Variants in RSPH6A observed in about 807,000 individuals in gnomAD.
RSPH6A encodes radial spoke head 6 homolog A, also known as radial spoke head protein 6 homolog A.
RSPH6A carries 49 observed loss-of-function variants against 66.1 expected under a neutral mutation model. The observed-to-expected ratio is 0.74, with a 90% confidence interval of 0.59 to 0.94. The LOEUF is 0.94. Ranked by LOEUF, RSPH6A falls within the 40% of genes least tolerant of loss-of-function variation. RSPH6A has a pLI of 0.00. For missense variants in RSPH6A, 977 were observed against 948.3 expected, an observed-to-expected ratio of 1.03 and a Z score of -0.40; for synonymous variants, 419 against 402.4, an observed-to-expected ratio of 1.04 and a Z score of -0.49.
At chr19:45,814,231 G>A (rs933756961) in intron 1 of RSPH6A, among the ~76,000 whole-genome samples, 4 of 152,124 alleles carry the variant, frequency 2.6e-5, no homozygotes, top group African/African-American at 9.7e-5. Flanking sequence ...CCATATCCTA[G>A]CTGTGTAGTT....
intron 4 of RSPH6A, among the ~76,000 whole-genome samples, chr19:45,801,586 C>T (rs1358379008): frequency 6.6e-6 from 1 of 152,166 alleles, no homozygotes; most frequent in East Asian, 1.9e-4. Flanking sequence ...CATGGTGAAA[C>T]CCCATCTCCA....
Position 45,814,598 on chromosome 19 carries a change from C to T in RSPH6A, c.579G>A (p.Glu193=). The change falls in exon 1 of 6, where the codon GAG becomes GAA. Residue 193 remains glutamate (E), a synonymous_variant. Coordinates refer to ENST00000221538, the MANE Select transcript of RSPH6A (RefSeq NM_030785.4). ...PHYSAQVPEP[E]PLELAVQNAK... is the part of the protein sequence containing the mutation. ...CGTTCTGCACGGCCAGCTCCAGAGG[C>T]TCGGGCTCAGGCACCTGGGCACTGT... 4 of 1,567,762 alleles carry T rather than the reference C, an allele frequency of 2.6e-6. No homozygotes were observed. Among genetic ancestry groups the T allele is most frequent in the Non-Finnish European group, 3.5e-6 (4 of 1,159,050 alleles).
intron 2 of RSPH6A, 80 bp downstream of exon 2, chr19:45,810,523 G>A: frequency 7.5e-7 from 1 of 1,325,330 alleles, no homozygotes; most frequent in African/African-American, 1.4e-5. Context: ...TCGCCTCCAG[G>A]CCTTGGCACA....
At chr19:45,801,088 T>G (rs1970468825) in intron 4 of RSPH6A, among the ~76,000 whole-genome samples, 1 of 152,168 alleles carries the variant, frequency 6.6e-6, no homozygotes, top group African/African-American at 2.4e-5. Flanking sequence ...GTGAGCCACC[T>G]CGCCTGGCCT....
intron 2 of RSPH6A, 32 bp downstream of exon 2, chr19:45,810,569 CCT>C: frequency 6.3e-7 from 1 of 1,598,002 alleles, no homozygotes; most frequent in Non-Finnish European, 8.6e-7. Context: ...CCCCACTGAC[CCT>C]GATGCCCACC....
At position 45,804,841 on chromosome 19, in the gene RSPH6A, T is replaced by C; in HGVS notation, c.1064A>G (p.Tyr355Cys). 6.2e-7 allele frequency: 1 copy of C among 1,614,106 alleles called. No homozygotes were observed. The highest frequency in any genetic ancestry group is 8.5e-7 in the Non-Finnish European group (1 of 1,180,006). The stretch of plus-strand genomic sequence containing the variant: ...CCGGAATTCCACCTCGGCCACCAGG[T>C]AGCTGCGTTTGATTCCCAGGATCTT... ...WGKILGIKRSYLVAEVEFREG... is the reference protein window; with the variant it reads ...WGKILGIKRSCLVAEVEFREG... The change falls in exon 3 of 6, where the codon TAC (tyrosine) becomes TGC (cysteine). Residue 355 changes from tyrosine (Y) to cysteine (C), a missense_variant. Tyr to Cys is a radical substitution (Grantham distance 194). Transcript: ENST00000221538. This position sits in a 1 kb window ranked among gnomAD's most constrained non-coding sequence, Gnocchi z 5.8.
At chr19:45,805,167 C>T (rs1970528145) in intron 2 of RSPH6A, 151 bp from the exon 3 acceptor site, 1 of 643,372 alleles carries the variant, frequency 1.6e-6, no homozygotes, top group African/African-American at 1.8e-5. Flanking sequence ...AAGGCCGAGG[C>T]TGGCTGATCA....
At chr19:45,805,328 C>A (rs1342704648) in intron 2 of RSPH6A, among the ~76,000 whole-genome samples, 1 of 152,010 alleles carries the variant, frequency 6.6e-6, no homozygotes, top group Non-Finnish European at 1.5e-5. Flanking sequence ...ACCGGGGAGG[C>A]GGAGGTTGCA....
chr19:45,812,553 G>A (rs1407972478), intron 1 of RSPH6A, among the ~76,000 whole-genome samples: 1 of 152,134 alleles, frequency 6.6e-6, no homozygotes, highest in Non-Finnish European at 1.5e-5. Flanking sequence ...TTCTCAGGAA[G>A]AGAGCCTGAA....
In RSPH6A at chr19:45,802,184, C is replaced by A; in HGVS notation, c.1734G>T (p.Glu578Asp). The A allele has an allele frequency of 6.4e-7, 1 of 1,557,198 alleles. No individual in the cohort carries two copies. The highest frequency in any genetic ancestry group is 8.7e-7 in the Non-Finnish European group (1 of 1,147,626). ...CCTCCTGCTCCACCTCCTCTGGCCC[C>A]TCATCTGCCTTCTCTTCCTCCTCCC... is the stretch of plus-strand genomic sequence containing the variant. ...DLGEEEEKAD[E>D]GPEEVEQEVG... The change falls in exon 4 of 6, where the codon GAG becomes GAT. Residue 578 changes from glutamate to aspartate, a missense_variant. Transcript: ENST00000221538.
intron 2 of RSPH6A, among the ~76,000 whole-genome samples, chr19:45,808,298 C>G (rs1970572848): frequency 6.6e-6 from 1 of 152,030 alleles, no homozygotes; most frequent in South Asian, 2.1e-4. Context: ...CGTGGTGGCA[C>G]AGCCTGTAGT....
chr19:45,814,176 G>A (rs1188988724), intron 1 of RSPH6A, among the ~76,000 whole-genome samples: 1 of 152,016 alleles, frequency 6.6e-6, no homozygotes, highest in Non-Finnish European at 1.5e-5. Context: ...AAAAAAGCAA[G>A]AGGGCTTGGG....
chr19:45,802,268 G>T lies in RSPH6A; in HGVS notation c.1654-4C>A. On this transcript the variant is annotated splice_region_variant and splice_polypyrimidine_tract_variant and intron_variant, in intron 3 of 5. Transcript: ENST00000221538. ...GGTTCACCCAAGTGCAGCGGCCCTG[G>T]GGGTGGGGGGAAGCTCAGGTGATGG... 1 of 1,380,086 alleles carries T rather than the reference G, an allele frequency of 7.2e-7. No individual in the cohort carries two copies. The allele number at this position is 1,380,086 out of a possible 1,614,324, so 85.5% of individuals were successfully genotyped here.
intron 1 of RSPH6A, among the ~76,000 whole-genome samples, chr19:45,811,136 G>T (rs2146289351): frequency 6.6e-6 from 1 of 152,188 alleles, no homozygotes; most frequent in African/African-American, 2.4e-5. Context: ...TGGGATTATA[G>T]GCGCCCGCCA....
intron 5 of RSPH6A, among the ~76,000 whole-genome samples, chr19:45,798,527 G>C (rs1970432322): frequency 8.2e-6 from 1 of 121,934 alleles, no homozygotes; most frequent in South Asian, 2.9e-4. Flanking sequence ...GTGACAGAGA[G>C]AGACCCTATC....
At chr19:45,797,344 G>GCA (rs925532754) in intron 5 of RSPH6A, among the ~76,000 whole-genome samples, 45 of 148,426 alleles carry the variant, frequency 3.0e-4, no homozygotes, top group African/African-American at 1.0e-3. Context: ...TCGCGCCACT[G>GCA]CACTCCAGCC....
rs537390248 is a variant in RSPH6A at position 45,802,107 on chromosome 19, A to G, written c.1798+13T>C. 2.0e-6 allele frequency: 3 copies of G among 1,499,438 alleles called. No individual in the cohort carries two copies. The highest frequency in any genetic ancestry group is 2.6e-5 in the East Asian group (1 of 38,886). 92.9% of individuals were successfully genotyped at this position (1,499,438 alleles called of 1,614,324 possible). The stretch of plus-strand genomic sequence containing the variant: ...CCCAGCCAGTGGTGTACAGGCTGAG[A>G]GGGCTTCCTTACCTGCATCTTCTGA... On this transcript the variant is annotated intron_variant, in intron 4 of 5. Coordinates refer to ENST00000221538, the MANE Select transcript of RSPH6A (RefSeq NM_030785.4).
intron 2 of RSPH6A, among the ~76,000 whole-genome samples, chr19:45,807,753 T>C (rs12985355): frequency 0.39 from 59,819 of 152,106 alleles, 12,074 homozygotes; most frequent in African/African-American, 0.44. Flanking sequence ...TCAGGTGATC[T>C]GCCCGCTTTG....
At position 45,812,114 on chromosome 19, in the gene RSPH6A, C is replaced by G. The variant is rs950412643; in HGVS notation, c.651-1274G>C. 2.7e-5 allele frequency among the ~76,000 whole-genome samples: 4 copies of G among 150,040 alleles called. No individual in the cohort carries two copies. The Admixed American group carries it at 2.7e-4, about 10-fold the overall frequency. ...TATTTTTTGTATTTTTTTTTTGAGA[C>G]AGGGTCTCACTTTGTCACTCAGGCT... On this transcript the variant is annotated intron_variant, in intron 1 of 5. Coordinates refer to ENST00000221538, the MANE Select transcript of RSPH6A (RefSeq NM_030785.4).
Sources: gnomAD v4.1 joint callset for allele counts (sites outside exome capture counted in the v4.1 genomes callset) on GRCh38, gnomAD v4.1.1 for gene constraint, Gnocchi (gnomAD v3.1) non-coding constraint, MANE v1.5 for transcripts, NCBI Gene and HGNC (gene_info 2026-07-23, HGNC 2026-07-21) for gene names.